EXT2: variants seen among roughly 807,000 people sequenced by gnomAD.
EXT2 encodes exostosin-2.
EXT2 carries 53 observed loss-of-function variants against 81.6 expected under a neutral mutation model. The observed-to-expected ratio is 0.65, with a 90% CI of 0.52 to 0.82. The LOEUF (loss-of-function observed/expected upper bound fraction) is 0.82. Among genes scored for constraint, EXT2 ranks in the 40% least tolerant of loss-of-function variants. EXT2 has a pLI of 0.00. For synonymous variants in EXT2, 320 were observed against 340.0 expected (o/e 0.94, Z 0.65); for missense variants, 774 against 910.2 (o/e 0.85, Z 1.93).
At chr11:44,165,642 G>C (rs916525788) in intron 7 of EXT2, among the ~76,000 whole-genome samples, 12 of 152,174 alleles carry the variant, frequency 7.9e-5, no homozygotes, top group Non-Finnish European at 1.6e-4. Context: ...TCTCCACTGT[G>C]ATTATATGTG....
chr11:44,250,462 T>C lies in EXT2; in HGVS notation c.*6175T>C, dbSNP rs1388358790. ...TTCCCCTTTTATTAACCAGATCGTT[T>C]ACCAGATTGTACCTGGTGATGCTGG... On this transcript the variant is annotated 3_prime_UTR_variant, in exon 14 of 14. Coordinates refer to ENST00000533608, the MANE Select transcript of EXT2 (RefSeq NM_207122.2). 6.6e-6 allele frequency among the ~76,000 whole-genome samples: 1 copy of C among 152,202 alleles called. No homozygotes were observed. The highest frequency in any genetic ancestry group is 1.5e-5 in the Non-Finnish European group (1 of 68,034).
intron 7 of EXT2, among the ~76,000 whole-genome samples, chr11:44,153,925 T>A (rs11037891): frequency 1.3e-5 from 2 of 151,044 alleles, no homozygotes; most frequent in Non-Finnish European, 3.0e-5. Flanking sequence ...GTTGTTGTTG[T>A]TTTTTTTTAG....
intron 8 of EXT2, among the ~76,000 whole-genome samples, chr11:44,182,746 A>G (rs1273644158): frequency 6.6e-6 from 1 of 152,226 alleles, no homozygotes; most frequent in African/African-American, 2.4e-5. Flanking sequence ...CAAAATCACA[A>G]TAAAGTGATT....
At position 44,247,243 on chromosome 11, in the gene EXT2, C is replaced by CTTTTTT. The variant is rs11421737; in HGVS notation, c.*2971_*2976dup. 3.5e-5 allele frequency among the ~76,000 whole-genome samples: 4 copies of CTTTTTT among 115,180 alleles called. No individual in the cohort carries two copies. The highest frequency in any genetic ancestry group is 6.9e-5 in the Non-Finnish European group (4 of 57,702). 75.6% of individuals were successfully genotyped at this position (115,180 alleles called of 152,430 possible). A position where few individuals can be genotyped will look rare whatever the true frequency, so the allele number is the denominator to read the frequency against. On this transcript the variant is annotated 3_prime_UTR_variant, in exon 14 of 14. Transcript: ENST00000533608. ...CCTGCCAGTGATGCTCTGCTGTATC[C>CTTTTTT]TTTTTTTTTTTTTTTTTTTTGAGAC...
intron 4 of EXT2, among the ~76,000 whole-genome samples, chr11:44,120,308 T>C (rs1472414696): frequency 1.3e-5 from 2 of 152,044 alleles, no homozygotes; most frequent in Non-Finnish European, 1.5e-5. Context: ...CCGATAGGAG[T>C]GTCCAGTTTA....
chr11:44,197,054 G>C (rs1006317555), intron 8 of EXT2, among the ~76,000 whole-genome samples: 6 of 152,194 alleles, frequency 3.9e-5, no homozygotes, highest in African/African-American at 1.4e-4. Flanking sequence ...GAAGGCTGTA[G>C]GGCCCACCAT....
intron 10 of EXT2, among the ~76,000 whole-genome samples, chr11:44,216,077 C>A (rs977287894): frequency 6.6e-6 from 1 of 151,922 alleles, no homozygotes; most frequent in Admixed American, 6.6e-5. Context: ...GGGGTTTCAC[C>A]TTGTTAGCCA....
At chr11:44,188,211 C>A (rs1955343190) in intron 8 of EXT2, among the ~76,000 whole-genome samples, 1 of 152,160 alleles carries the variant, frequency 6.6e-6, no homozygotes, top group African/African-American at 2.4e-5. Context: ...GAGTGGGAGC[C>A]AAAATCAGCT....
intron 8 of EXT2, among the ~76,000 whole-genome samples, chr11:44,190,506 A>G (rs2135168948): frequency 6.6e-6 from 1 of 152,346 alleles, no homozygotes; most frequent in African/African-American, 2.4e-5. Context: ...TAGGCAAAAT[A>G]CGTTCATTTA....
intron 13 of EXT2, among the ~76,000 whole-genome samples, chr11:44,243,618 C>CT (rs1215047805): frequency 0.04 from 2,896 of 72,766 alleles, 23 homozygotes; most frequent in African/African-American, 0.057. Flanking sequence ...GCCCTGTCAC[C>CT]TTTTTTTTTT....
At chr11:44,164,201 T>G (rs1292353360) in intron 7 of EXT2, among the ~76,000 whole-genome samples, 1 of 152,216 alleles carries the variant, frequency 6.6e-6, no homozygotes, top group Non-Finnish European at 1.5e-5. Flanking sequence ...ATTTGACTGT[T>G]TTTTATATTA....
intron 7 of EXT2, among the ~76,000 whole-genome samples, chr11:44,162,990 T>A (rs933182749): frequency 6.6e-6 from 1 of 152,238 alleles, no homozygotes; most frequent in South Asian, 2.1e-4. Context: ...TATATTAACC[T>A]TTTTGCTTCA....
intron 8 of EXT2, among the ~76,000 whole-genome samples, chr11:44,189,820 CTT>C (rs1433043303): frequency 1.3e-5 from 2 of 152,192 alleles, no homozygotes; most frequent in Admixed American, 1.3e-4. Context: ...GTCCCCAAAA[CTT>C]TTCTCTCTTG....
At chr11:44,176,079 T>C (rs1330684580) in intron 8 of EXT2, among the ~76,000 whole-genome samples, 1 of 152,188 alleles carries the variant, frequency 6.6e-6, no homozygotes, top group East Asian at 1.9e-4. Flanking sequence ...GAAATGTTAC[T>C]ACTGTTCCAA....
At chr11:44,234,035 C>G in intron 11 of EXT2, 80 bp from the exon 12 acceptor site, 1 of 1,600,704 alleles carries the variant, frequency 6.2e-7, no homozygotes, top group South Asian at 1.1e-5. Flanking sequence ...GTCCCCATGC[C>G]TTGGCTATGC....
intron 8 of EXT2, among the ~76,000 whole-genome samples, chr11:44,177,680 A>G (rs779361966): frequency 5.9e-5 from 9 of 152,050 alleles, no homozygotes; most frequent in Non-Finnish European, 1.3e-4. Context: ...ATTATACTGC[A>G]TCTTATCAAT....
chr11:44,114,373 G>A, intron 4 of EXT2, 72 bp downstream of exon 4: 3 of 1,361,854 alleles, frequency 2.2e-6, no homozygotes, highest in Non-Finnish European at 2.1e-6. Flanking sequence ...TTAGTGTGGT[G>A]GGCATCAAAG....
At chr11:44,103,406 A>T (rs1320610197) in intron 1 of EXT2, among the ~76,000 whole-genome samples, 1 of 152,190 alleles carries the variant, frequency 6.6e-6, no homozygotes, top group African/African-American at 2.4e-5. Context: ...GCCTCTGGAA[A>T]ATGGAAGTGA....
intron 13 of EXT2, among the ~76,000 whole-genome samples, chr11:44,243,081 A>T (rs1956054693): frequency 6.6e-6 from 1 of 152,224 alleles, no homozygotes; most frequent in Non-Finnish European, 1.5e-5. Flanking sequence ...AAATAATAAC[A>T]AATTTTTTTA....
Sources: gnomAD v4.1 joint callset for allele counts (sites outside exome capture counted in the v4.1 genomes callset) on GRCh38, gnomAD v4.1.1 for gene constraint, MANE v1.5 for transcripts, NCBI Gene and HGNC (gene_info 2026-07-23, HGNC 2026-07-21) for gene names.